Variants in GPHN observed in about 807,000 individuals in gnomAD.
GPHN encodes gephyrin.
A neutral mutation model predicts 95.5 loss-of-function variants in GPHN; 17 were observed. The ratio of observed to expected loss-of-function variants is 0.18; its 90% confidence interval spans 0.12 to 0.27. The LOEUF (loss-of-function observed/expected upper bound fraction) is 0.27. GPHN is among the 10% of genes least tolerant of loss of function. The pLI is 1.00. For missense variants in GPHN, 660 were observed against 978.1 expected, an observed-to-expected ratio of 0.67 and a Z score of 4.34; for synonymous variants, 320 against 322.5, an observed-to-expected ratio of 0.99 and a Z score of 0.08.
the GPHN span, among the ~76,000 whole-genome samples, chr14:67,439,574 TTTCTTTCTTTCTTTCTTTC>T: frequency 2.1e-5 from 3 of 142,400 alleles, no homozygotes; most frequent in African/African-American, 8.6e-5. Context: ...TCTTTCTTTC[TTTCTTTCTTTCTTTCTTTC>T]TTCTTTCTTT....
the GPHN span, chr14:67,360,709 T>G: frequency 6.5e-6 from 1 of 153,150 alleles, no homozygotes; most frequent in Non-Finnish European, 1.5e-5. Context: ...CCGAGTGGAT[T>G]GTACAGCCTC....
At chr14:66,931,321 G>A (rs561865878) in intron 8 of GPHN, among the ~76,000 whole-genome samples, 1 of 152,152 alleles carries the variant, frequency 6.6e-6, no homozygotes, top group Admixed American at 6.5e-5. Context: ...TAAGTGTCTT[G>A]AGGTGGTCTT....
At chr14:67,300,127 A>T in the GPHN span, among the ~76,000 whole-genome samples, 308 of 152,158 alleles carry the variant, frequency 2.0e-3, no homozygotes, top group African/African-American at 7.0e-3. Flanking sequence ...TACATATGGA[A>T]CTCTACAATT....
At chr14:66,838,216 G>A (rs1322743721) in intron 4 of GPHN, among the ~76,000 whole-genome samples, 1 of 152,052 alleles carries the variant, frequency 6.6e-6, no homozygotes, top group African/African-American at 2.4e-5. Flanking sequence ...TTGCCTCATA[G>A]GGTACTTACG....
chr14:67,132,180 A>G lies in GPHN; in HGVS notation c.1748+9803A>G, dbSNP rs372808986. 3.0e-3 allele frequency among the ~76,000 whole-genome samples: 456 copies of G among 152,338 alleles called. 8 individuals are homozygous for G. Among genetic ancestry groups the G allele is most frequent in the African/African-American group, 0.01 (431 of 41,586 alleles). ...AAAATTGGGTTCTTAAAAACCTGGC[A>G]CATTTAGCAGGAATTATCAAGATAG... is the stretch of plus-strand genomic sequence containing the variant. On this transcript the variant is annotated intron_variant, in intron 17 of 22. Transcript: ENST00000478722.
intron 1 of GPHN, among the ~76,000 whole-genome samples, chr14:66,574,328 A>G (rs1310197519): frequency 1.3e-5 from 2 of 152,152 alleles, no homozygotes; most frequent in African/African-American, 4.8e-5. Flanking sequence ...TCATGTCACA[A>G]TTTACATCTT....
chr14:67,645,200 G>T, the GPHN span, among the ~76,000 whole-genome samples: 1 of 150,538 alleles, frequency 6.6e-6, no homozygotes, highest in African/African-American at 2.4e-5. Flanking sequence ...CATTTTTGGA[G>T]ACAGGGTGTG....
the GPHN span, chr14:67,652,581 G>C: frequency 6.6e-6 from 1 of 152,234 alleles, no homozygotes; most frequent in East Asian, 1.9e-4. Flanking sequence ...TGGTCCTCTG[G>C]GCAACCTGAC....
At chr14:66,952,974 G>A (rs2068207825) in intron 8 of GPHN, among the ~76,000 whole-genome samples, 1 of 151,676 alleles carries the variant, frequency 6.6e-6, no homozygotes, top group Non-Finnish European at 1.5e-5. Flanking sequence ...GATTACAGGT[G>A]TGAGCCACTG....
chr14:67,198,611 G>A, the GPHN span, among the ~76,000 whole-genome samples: 1 of 152,060 alleles, frequency 6.6e-6, no homozygotes, highest in Non-Finnish European at 1.5e-5. Context: ...GGCATTTCCC[G>A]CCACAGGGAA....
intron 1 of GPHN, among the ~76,000 whole-genome samples, chr14:66,647,447 T>C (rs909955473): frequency 2.0e-5 from 3 of 152,016 alleles, no homozygotes; most frequent in African/African-American, 7.2e-5. Flanking sequence ...ATATTTATTA[T>C]TGAATATATA....
intron 3 of GPHN, 81 bp from the exon 4 acceptor site, chr14:66,824,393 T>C: frequency 1.4e-6 from 1 of 731,334 alleles, no homozygotes. Context: ...CCTCGTTGAA[T>C]ACAAAGTGTC....
the GPHN span, among the ~76,000 whole-genome samples, chr14:67,192,789 T>A: frequency 6.8e-6 from 1 of 148,064 alleles, no homozygotes; most frequent in African/African-American, 2.5e-5. Context: ...TATATATGTA[T>A]GTGTGTGTAT....
At chr14:67,438,860 CAAAAAAAAAAAAAA>C in the GPHN span, among the ~76,000 whole-genome samples, 1 of 56,048 alleles carries the variant, frequency 1.8e-5, no homozygotes, top group African/African-American at 4.9e-5. Flanking sequence ...GACTCCGTCT[CAAAAAAAAAAAAAA>C]AAAAAAAAGC....
chr14:67,384,986 T>TTTTG, the GPHN span: 1 of 152,222 alleles, frequency 6.6e-6, no homozygotes, highest in Admixed American at 6.5e-5. Flanking sequence ...TTTCTTTTGA[T>TTTTG]TTTGTTTACT....
At chr14:67,333,452 A>T in the GPHN span, 1 of 152,662 alleles carries the variant, frequency 6.6e-6, no homozygotes, top group Non-Finnish European at 1.5e-5. Flanking sequence ...TAGTCATCAG[A>T]GATACTTTCC....
intron 2 of GPHN, among the ~76,000 whole-genome samples, chr14:66,765,723 C>T (rs780301650): frequency 4.0e-5 from 6 of 151,776 alleles, no homozygotes; most frequent in Non-Finnish European, 8.8e-5. Context: ...GCACAATTTA[C>T]CTATATGACA....
At chr14:66,765,663 C>T (rs2058938060) in intron 2 of GPHN, among the ~76,000 whole-genome samples, 1 of 152,076 alleles carries the variant, frequency 6.6e-6, no homozygotes, top group African/African-American at 2.4e-5. Flanking sequence ...ATTGGGTACT[C>T]TGCGTATTAC....
chr14:67,381,067 A>G, the GPHN span, among the ~76,000 whole-genome samples: 46 of 152,332 alleles, frequency 3.0e-4, no homozygotes, highest in South Asian at 1.2e-3. Flanking sequence ...TTTTACAAAG[A>G]TGAGACATAC....
Sources: gnomAD v4.1 joint callset for allele counts (sites outside exome capture counted in the v4.1 genomes callset) on GRCh38, gnomAD v4.1.1 for gene constraint, MANE v1.5 for transcripts, NCBI Gene and HGNC (gene_info 2026-07-23, HGNC 2026-07-21) for gene names.